KCNMA1: variants seen among roughly 807,000 people sequenced by gnomAD.
The protein encoded by KCNMA1 is Calcium-activated potassium channel subunit alpha-1.
In KCNMA1, 29 loss-of-function variants were observed where a neutral mutation model predicts 140.0. The observed-to-expected ratio is 0.21, with a 90% CI of 0.15 to 0.28. The LOEUF (loss-of-function observed/expected upper bound fraction) is 0.28, where lower values mean the gene tolerates loss of function less well. Ranked by LOEUF, KCNMA1 falls within the 10% of genes least tolerant of loss-of-function variation. KCNMA1 has a pLI of 1.00. For synonymous variants in KCNMA1, 612 were observed against 611.9 expected (o/e 1.00, Z 0.00); for missense variants, 880 against 1,602.2 (o/e 0.55, Z 7.70).
intron 2 of KCNMA1, among the ~76,000 whole-genome samples, chr10:77,349,872 T>G (rs1263588402): frequency 6.6e-6 from 1 of 152,180 alleles, no homozygotes; most frequent in Non-Finnish European, 1.5e-5. Flanking sequence ...GTGAGTCTTA[T>G]GTAGATCTAT....
chr10:76,922,742 C>G (rs1222564337), intron 23 of KCNMA1, among the ~76,000 whole-genome samples: 2 of 152,146 alleles, frequency 1.3e-5, no homozygotes, highest in Non-Finnish European at 2.9e-5. Flanking sequence ...ACAAATGTGC[C>G]TAAAACCAGA....
intron 5 of KCNMA1, among the ~76,000 whole-genome samples, chr10:77,134,979 C>G (rs2097959414): frequency 4.0e-5 from 2 of 49,880 alleles, no homozygotes; most frequent in Admixed American, 7.3e-4. Context: ...GCCTGGGAGA[C>G]AGAGCAAGAC....
intron 1 of KCNMA1, among the ~76,000 whole-genome samples, chr10:77,536,009 T>C (rs561339872): frequency 9.2e-5 from 14 of 152,318 alleles, no homozygotes; most frequent in African/African-American, 3.4e-4. Flanking sequence ...AAGAATTTAT[T>C]CTACATTTCA....
chr10:77,500,588 G>C (rs1353936646), intron 1 of KCNMA1, among the ~76,000 whole-genome samples: 1 of 152,110 alleles, frequency 6.6e-6, no homozygotes, highest in East Asian at 1.9e-4. Context: ...AACACAGGAG[G>C]TTTCACATTG....
At chr10:77,251,154 G>T in intron 3 of KCNMA1, 41 bp downstream of exon 3, 2 of 1,455,534 alleles carry the variant, frequency 1.4e-6, no homozygotes, top group Non-Finnish European at 1.9e-6. Flanking sequence ...GCTCATGATT[G>T]TTTATGAAAC....
At chr10:77,177,540 T>C (rs930347108) in intron 5 of KCNMA1, among the ~76,000 whole-genome samples, 1 of 151,914 alleles carries the variant, frequency 6.6e-6, no homozygotes, top group African/African-American at 2.4e-5. Context: ...GGTCTTACTA[T>C]GTTGCCCAGG....
intron 2 of KCNMA1, among the ~76,000 whole-genome samples, chr10:77,306,990 C>T (rs377366023): frequency 6.6e-6 from 1 of 152,194 alleles, no homozygotes; most frequent in East Asian, 1.9e-4. Flanking sequence ...GTCAAGTGAC[C>T]ACCTCACCAG....
At chr10:77,162,940 T>C (rs1282902964) in intron 5 of KCNMA1, among the ~76,000 whole-genome samples, 1 of 152,240 alleles carries the variant, frequency 6.6e-6, no homozygotes, top group African/African-American at 2.4e-5. Flanking sequence ...ATCTGACCCA[T>C]CAAGGATAAT....
intron 14 of KCNMA1, among the ~76,000 whole-genome samples, chr10:77,066,322 C>T (rs2095945642): frequency 6.6e-6 from 1 of 152,052 alleles, no homozygotes; most frequent in African/African-American, 2.4e-5. Context: ...AAACTTGAAC[C>T]AAGAGGATTT....
chr10:76,921,011 TC>T (rs1454309508), intron 23 of KCNMA1, among the ~76,000 whole-genome samples: 1 of 152,130 alleles, frequency 6.6e-6, no homozygotes, highest in Admixed American at 6.5e-5. Flanking sequence ...CCTAGTTAAA[TC>T]CCTGAGCCTT....
chr10:77,403,633 C>T (rs1209157835), intron 2 of KCNMA1, among the ~76,000 whole-genome samples: 5 of 152,178 alleles, frequency 3.3e-5, no homozygotes, highest in East Asian at 3.9e-4. Flanking sequence ...ATCTTCCCAA[C>T]AACCCTTCTC....
At chr10:76,907,598 G>A (rs1337251486) in intron 25 of KCNMA1, among the ~76,000 whole-genome samples, 3 of 152,076 alleles carry the variant, frequency 2.0e-5, no homozygotes, top group Non-Finnish European at 4.4e-5. Flanking sequence ...GAGTGCAGTG[G>A]CGCTATATCA....
intron 1 of KCNMA1, among the ~76,000 whole-genome samples, chr10:77,607,315 C>T (rs2084904650): frequency 2.0e-5 from 3 of 152,136 alleles, no homozygotes; most frequent in South Asian, 2.1e-4. Flanking sequence ...AAAGGCATTG[C>T]TTCCTGCTTA....
chr10:77,138,128 T>C (rs35138513), intron 5 of KCNMA1, among the ~76,000 whole-genome samples: 35,637 of 152,096 alleles, frequency 0.23, 5,253 homozygotes, highest in Middle Eastern at 0.34. Flanking sequence ...CCCCTTGTGG[T>C]TCCAGATGCT....
intron 3 of KCNMA1, among the ~76,000 whole-genome samples, chr10:77,204,032 G>A (rs2043255877): frequency 6.6e-6 from 1 of 151,412 alleles, no homozygotes; most frequent in Admixed American, 6.6e-5. Flanking sequence ...TGAGGTGGAA[G>A]TTGCAGCAAG....
rs1217475105 is a variant in KCNMA1, at chr10:76,913,906, A to G, written c.3016+1030T>C. 10 of 635,646 alleles carry G rather than the reference A, an allele frequency of 1.6e-5. No homozygotes were observed. In the East Asian group the frequency reaches 2.7e-4, roughly 17 times the overall value. The allele number at this position is 635,646 out of a possible 1,614,324, so 39.4% of individuals were successfully genotyped here. On this transcript the variant is annotated intron_variant, in intron 24 of 27. Transcript: ENST00000286628. Reference sequence around the variant, plus strand: ...GGCCAGAACAAGACAGTCGATTCCAACCAGAGCCACAAATAAAACACATTC... The same window carrying G: ...GGCCAGAACAAGACAGTCGATTCCAGCCAGAGCCACAAATAAAACACATTC...
chr10:76,925,044 G>T lies in KCNMA1; in HGVS notation c.2903-9995C>A, dbSNP rs550210099. Among the ~76,000 whole-genome samples the T allele has an allele frequency of 3.9e-4, 59 of 152,246 alleles. 1 individual carries two copies. Among genetic ancestry groups the T allele is most frequent in the Admixed American group, 1.2e-3 (18 of 15,296 alleles). ...TTTCTTTACCTCTTCCAGGACGTCT[G>T]CCTTGAATAACTTCTCACATTTAGT... On this transcript the variant is annotated intron_variant, in intron 23 of 27. Transcript: ENST00000286628.
intron 5 of KCNMA1, among the ~76,000 whole-genome samples, chr10:77,145,244 G>A (rs2098267805): frequency 1.3e-5 from 2 of 152,170 alleles, no homozygotes; most frequent in Non-Finnish European, 2.9e-5. Flanking sequence ...GCTCTTGGAA[G>A]TTATTCCAAC....
At chr10:76,899,558 G>C (rs541101451) in intron 25 of KCNMA1, among the ~76,000 whole-genome samples, 9 of 152,160 alleles carry the variant, frequency 5.9e-5, no homozygotes, top group African/African-American at 2.2e-4. Flanking sequence ...GTATTGTCTG[G>C]GGCTGCTTTG....
Sources: gnomAD v4.1 joint callset for allele counts (sites outside exome capture counted in the v4.1 genomes callset) on GRCh38, gnomAD v4.1.1 for gene constraint, MANE v1.5 for transcripts, NCBI Gene and HGNC (gene_info 2026-07-23, HGNC 2026-07-21) for gene names.